The following TRHR variants were observed in gnomAD, a reference collection of about 807,000 sequenced individuals.
The protein encoded by TRHR is thyrotropin releasing hormone receptor.
In TRHR, 14 loss-of-function variants were observed where a neutral mutation model predicts 28.0. That is an observed-to-expected ratio of 0.50 (90% CI 0.33 to 0.78). The LOEUF is 0.78. TRHR is among the 30% of genes least tolerant of loss of function. The pLI, the probability that TRHR is intolerant of heterozygous loss-of-function variation, is 0.02. For missense variants in TRHR, 438 were observed against 469.5 expected (o/e 0.93, Z 0.62); for synonymous variants, 176 against 171.9 (o/e 1.02, Z -0.18).
chr8:109,099,053 A>G (rs1811638287), intron 2 of TRHR, among the ~76,000 whole-genome samples: 1 of 152,208 alleles, frequency 6.6e-6, no homozygotes, highest in Non-Finnish European at 1.5e-5. Flanking sequence ...GATATACAGG[A>G]TAAGAACATG....
chr8:109,112,663 C>A (rs1440184642), intron 2 of TRHR, among the ~76,000 whole-genome samples: 1 of 152,034 alleles, frequency 6.6e-6, no homozygotes, highest in Admixed American at 6.6e-5. Context: ...TTTCTGGCAA[C>A]AATATTATGT....
intron 1 of TRHR, 77 bp from the exon 2 acceptor site, chr8:109,087,348 A>C: frequency 1.3e-6 from 1 of 760,424 alleles, no homozygotes; most frequent in Non-Finnish European, 2.2e-6. Context: ...AAGGAGTGGA[A>C]GTGACGGTTA....
chr8:109,093,060 A>G (rs1811538859), intron 2 of TRHR, among the ~76,000 whole-genome samples: 1 of 152,186 alleles, frequency 6.6e-6, no homozygotes, highest in Admixed American at 6.5e-5. Flanking sequence ...AAAGCAAAAG[A>G]AAGTGATCAG....
chr8:109,110,819 C>A (rs1811821127), intron 2 of TRHR, among the ~76,000 whole-genome samples: 1 of 152,130 alleles, frequency 6.6e-6, no homozygotes, highest in Non-Finnish European at 1.5e-5. Context: ...TGATCTCACT[C>A]CATGATATGA....
At chr8:109,106,536 GA>G (rs1199049158) in intron 2 of TRHR, among the ~76,000 whole-genome samples, 1 of 151,962 alleles carries the variant, frequency 6.6e-6, no homozygotes, top group Non-Finnish European at 1.5e-5. Flanking sequence ...ACTGTTCCCC[GA>G]AAAAATTTTC....
chr8:109,103,871 C>T (rs1187199245), intron 2 of TRHR, among the ~76,000 whole-genome samples: 2 of 152,034 alleles, frequency 1.3e-5, no homozygotes, highest in Non-Finnish European at 2.9e-5. Context: ...CAGACCAATG[C>T]CAATGCATAT....
intron 2 of TRHR, among the ~76,000 whole-genome samples, chr8:109,113,666 G>A (rs192745944): frequency 6.6e-5 from 10 of 152,140 alleles, no homozygotes; most frequent in East Asian, 5.8e-4. Context: ...TAATGCAAGG[G>A]GTGAATAATA....
At position 109,116,785 on chromosome 8, in the gene TRHR, T is replaced by C. The variant is rs538590427; in HGVS notation, c.790-2263T>C. Among the ~76,000 whole-genome samples the C allele has an allele frequency of 4.6e-5, 7 of 152,140 alleles. No individual in the cohort carries two copies. The South Asian group carries it at 6.2e-4, about 14-fold the overall frequency. ...TTTCTTAGGGCCACTTTATGTCACA[T>C]AGTGCACTAAATCCCTGAGAGTAGG... On this transcript the variant is annotated intron_variant, in intron 2 of 2. Transcript: ENST00000518632.
At chr8:109,112,066 G>A (rs924677574) in intron 2 of TRHR, among the ~76,000 whole-genome samples, 2 of 152,150 alleles carry the variant, frequency 1.3e-5, no homozygotes, top group Non-Finnish European at 2.9e-5. Flanking sequence ...GACCTGCCCA[G>A]TGTCTTCAGA....
chr8:109,104,842 G>A (rs1811725667), intron 2 of TRHR, among the ~76,000 whole-genome samples: 1 of 151,972 alleles, frequency 6.6e-6, no homozygotes, highest in Admixed American at 6.6e-5. Flanking sequence ...TTTGGTAACT[G>A]GGCACCGGGG....
At chr8:109,115,945 G>T (rs916683928) in intron 2 of TRHR, among the ~76,000 whole-genome samples, 2 of 152,110 alleles carry the variant, frequency 1.3e-5, no homozygotes, top group African/African-American at 4.8e-5. Context: ...CTGTGGGTTT[G>T]TCATAAATAG....
At position 109,119,207 on chromosome 8, in the gene TRHR, C is replaced by T. The variant is rs748629115; in HGVS notation, c.949C>T (p.Pro317Ser). 2 of 1,612,854 alleles carry T rather than the reference C, an allele frequency of 1.2e-6. No homozygotes were observed. The highest frequency in any genetic ancestry group is 2.2e-5 in the South Asian group (2 of 91,054). ...CATTTATCTCAACAGTGCCATCAAC[C>T]CGGTGATTTACAATCTCATGTCCCA... is the stretch of plus-strand genomic sequence containing the variant. ...ICIYLNSAIN[P>S]VIYNLMSQKF... The change falls in exon 3 of 3, where the codon CCG becomes TCG. Residue 317 changes from proline (P) to serine (S), a missense_variant. Pro to Ser is a moderately conservative substitution (Grantham distance 74). Coordinates refer to ENST00000518632, the MANE Select transcript of TRHR (RefSeq NM_003301.7).
chr8:109,098,947 A>C (rs914291266), intron 2 of TRHR, among the ~76,000 whole-genome samples: 5 of 152,222 alleles, frequency 3.3e-5, no homozygotes, highest in African/African-American at 4.8e-5. Flanking sequence ...TGTGCATCCC[A>C]CAATGGCAGA....
Position 109,120,339 on chromosome 8 carries a change from A to G in TRHR, c.*884A>G, listed in dbSNP as rs1001578575. Among the ~76,000 whole-genome samples the G allele has an allele frequency of 1.3e-5, 2 of 151,820 alleles. No homozygotes were observed. Among genetic ancestry groups the G allele is most frequent in the Admixed American group, 6.6e-5 (1 of 15,178 alleles). Reference sequence around the variant, plus strand: ...CTTTTAAGCAATAAAATCTTTTTGAACATTCTTGTTTATAAACTACTCAGC... The same window carrying G: ...CTTTTAAGCAATAAAATCTTTTTGAGCATTCTTGTTTATAAACTACTCAGC... On this transcript the variant is annotated 3_prime_UTR_variant, in exon 3 of 3. Transcript: ENST00000518632.
At chr8:109,111,586 A>G (rs1811830722) in intron 2 of TRHR, among the ~76,000 whole-genome samples, 2 of 152,228 alleles carry the variant, frequency 1.3e-5, no homozygotes, top group African/African-American at 4.8e-5. Context: ...GCCAGAAGAA[A>G]TACAAGAACT....
At chr8:109,096,847 A>G (rs1236811242) in intron 2 of TRHR, among the ~76,000 whole-genome samples, 4 of 152,270 alleles carry the variant, frequency 2.6e-5, no homozygotes, top group Middle Eastern at 6.9e-3. Context: ...AGTGTGAAAG[A>G]GTTCATTCGT....
intron 2 of TRHR, among the ~76,000 whole-genome samples, chr8:109,091,148 T>A (rs1386147145): frequency 6.6e-6 from 1 of 152,130 alleles, no homozygotes; most frequent in Admixed American, 6.5e-5. Flanking sequence ...ACTTTGGAAG[T>A]TGTTAGTAGT....
intron 2 of TRHR, among the ~76,000 whole-genome samples, chr8:109,100,817 A>G: frequency 6.6e-6 from 1 of 152,160 alleles, no homozygotes; most frequent in East Asian, 1.9e-4. Flanking sequence ...TCTTAAGCTG[A>G]GCATTGTGGA....
At chr8:109,096,507 T>G (rs1422498668) in intron 2 of TRHR, among the ~76,000 whole-genome samples, 1 of 152,184 alleles carries the variant, frequency 6.6e-6, no homozygotes. Flanking sequence ...CCCTCAGCCC[T>G]GCATTTGGCT....
Sources: allele counts gnomAD v4.1 joint callset (sites outside exome capture counted in the v4.1 genomes callset), GRCh38; gene constraint gnomAD v4.1.1; transcripts MANE v1.5; gene names NCBI Gene and HGNC (gene_info 2026-07-23, HGNC 2026-07-21).